RHD: variants seen among roughly 807,000 people sequenced by gnomAD.
RHD encodes Rh blood group D antigen.
In RHD, 16 loss-of-function variants were observed where a neutral mutation model predicts 45.5. The observed-to-expected ratio is 0.35, with a 90% CI of 0.24 to 0.53. The LOEUF (loss-of-function observed/expected upper bound fraction) is 0.53. Among genes scored for constraint, RHD ranks in the 20% least tolerant of loss-of-function variants. The pLI is 0.92. For synonymous variants in RHD, 131 were observed against 217.5 expected (o/e 0.60, Z 3.50); for missense variants, 306 against 532.0 (o/e 0.58, Z 4.18).
At chr1:25,296,492 G>A (rs1375336149) in intron 3 of RHD, among the ~76,000 whole-genome samples, 10 of 123,432 alleles carry the variant, frequency 8.1e-5, no homozygotes, top group African/African-American at 2.7e-4. Flanking sequence ...TGATCCACCT[G>A]TCTCAGCCTC....
At position 25,283,527 on chromosome 1, in the gene RHD, C is replaced by A. The variant is rs542300710; in HGVS notation, c.149-1046C>A. Among the ~76,000 whole-genome samples the A allele has an allele frequency of 1.2e-4, 15 of 127,960 alleles. 4 individuals carry two copies. The highest frequency in any genetic ancestry group is 2.4e-4 in the Non-Finnish European group (13 of 54,516). The allele number at this position is 127,960 out of a possible 152,430, so 83.9% of individuals were successfully genotyped here. On this transcript the variant is annotated intron_variant, in intron 1 of 9. Coordinates refer to ENST00000328664, the MANE Select transcript of RHD (RefSeq NM_016124.6). ...GCCTGGGTGACGAGTGAAACTCTAT[C>A]TCGATATTAAAAAAAAAAATCTTAG...
At chr1:25,303,072 C>A (rs1338372011) in intron 5 of RHD, among the ~76,000 whole-genome samples, 2 of 131,514 alleles carry the variant, frequency 1.5e-5, no homozygotes, top group Non-Finnish European at 3.6e-5. Flanking sequence ...CCTGGACTTC[C>A]CAGCTCATTC....
At chr1:25,284,272 G>T (rs1344731912) in intron 1 of RHD, among the ~76,000 whole-genome samples, 1 of 135,852 alleles carries the variant, frequency 7.4e-6, no homozygotes, top group Non-Finnish European at 1.8e-5. Flanking sequence ...CTTATTATTA[G>T]GTTTAATAAT....
Position 25,306,585 on chromosome 1 carries a change from C to T in RHD, c.940-11C>T, listed in dbSNP as rs1452572247. On this transcript the variant is annotated splice_polypyrimidine_tract_variant and intron_variant, in intron 6 of 9. Transcript: ENST00000328664. ...ACCTGCCAATCTGCTTATAATAACA[C>T]TTGTCCACAGGGGTGTTGTAACCGA... 7 of 1,377,430 alleles carry T rather than the reference C, an allele frequency of 5.1e-6. 2 individuals carry two copies. The South Asian group carries it at 8.3e-5, about 16-fold the overall frequency. 85.3% of individuals were successfully genotyped at this position (1,377,430 alleles called of 1,614,324 possible).
At chr1:25,304,847 A>C (rs1220379349) in intron 6 of RHD, 2 of 132,014 alleles carry the variant, frequency 1.5e-5, no homozygotes, top group Non-Finnish European at 3.6e-5. Flanking sequence ...GAAGGGCAGA[A>C]AAAAGAACAC....
intron 3 of RHD, among the ~76,000 whole-genome samples, chr1:25,292,302 G>A (rs887074952): frequency 1.5e-5 from 2 of 132,676 alleles, no homozygotes; most frequent in Non-Finnish European, 1.8e-5. Flanking sequence ...TATGTTTTAA[G>A]ATACTCTGGC....
chr1:25,315,108 A>C lies in RHD; in HGVS notation c.1074-1892A>C, dbSNP rs1248843041. Among the ~76,000 whole-genome samples the C allele has an allele frequency of 1.7e-4, 22 of 128,388 alleles. 4 individuals are homozygous for C. The highest frequency in any genetic ancestry group is 3.3e-4 in the Non-Finnish European group (18 of 54,446). The allele number at this position is 128,388 out of a possible 152,430, so 84.2% of individuals were successfully genotyped here. A position where few individuals can be genotyped will look rare whatever the true frequency, so the allele number is the denominator to read the frequency against. On this transcript the variant is annotated intron_variant, in intron 7 of 9. Transcript: ENST00000328664. ...AGTCTCAGCTACTCGGGAGGCTGAG[A>C]TCACGCCACTGCACTCCAGCCTGGT...
In RHD at chr1:25,308,232, G is replaced by A. The variant is rs1311987452; in HGVS notation, c.1073+1503G>A. 2.6e-5 allele frequency among the ~76,000 whole-genome samples: 3 copies of A among 114,042 alleles called. 1 individual carries two copies. The highest frequency in any genetic ancestry group is 4.1e-5 in the Non-Finnish European group (2 of 48,764). The allele number at this position is 114,042 out of a possible 152,430, so 74.8% of individuals were successfully genotyped here. ...CACTGTGTGGCTAAATTCTGCTTGT[G>A]GGCTGCCTAGATTCCCAATTCTGTG... On this transcript the variant is annotated intron_variant, in intron 7 of 9. Transcript: ENST00000328664.
chr1:25,276,243 G>T (rs1238788499), intron 1 of RHD, among the ~76,000 whole-genome samples: 7 of 129,780 alleles, frequency 5.4e-5, no homozygotes, highest in African/African-American at 1.8e-4. Flanking sequence ...ACATTGAAAT[G>T]GCATGATATC....
rs1643982904 is a variant in RHD at position 25,308,782 on chromosome 1, C to T, written c.1073+2053C>T. On this transcript the variant is annotated intron_variant, in intron 7 of 9. Transcript: ENST00000328664. ...CCAGGCAAAGGGAAGGGCATAGTGA[C>T]AGTGATGATCTCTCTTCCGGAAGTC... is the stretch of plus-strand genomic sequence containing the variant. Among the ~76,000 whole-genome samples, 3 of 129,358 alleles carry T rather than the reference C, an allele frequency of 2.3e-5. 1 individual carries two copies. Among genetic ancestry groups the T allele is most frequent in the Non-Finnish European group, 5.5e-5 (3 of 54,922 alleles). The allele number at this position is 129,358 out of a possible 152,430, so 84.9% of individuals were successfully genotyped here. A position where few individuals can be genotyped will look rare whatever the true frequency, so the allele number is the denominator to read the frequency against.
chr1:25,309,628 A>G (rs1379681331), intron 7 of RHD, among the ~76,000 whole-genome samples: 2 of 132,304 alleles, frequency 1.5e-5, no homozygotes, highest in African/African-American at 5.2e-5. Context: ...TTGTCCTCAA[A>G]TGCTGAAATC....
At chr1:25,315,846 T>C (rs1644413914) in intron 7 of RHD, among the ~76,000 whole-genome samples, 1 of 131,028 alleles carries the variant, frequency 7.6e-6, no homozygotes, top group African/African-American at 2.6e-5. Flanking sequence ...CTCTCCACTC[T>C]CCTATGATCT....
intron 2 of RHD, 146 bp downstream of exon 2, chr1:25,284,905 A>G: frequency 9.5e-7 from 1 of 1,054,546 alleles, no homozygotes; most frequent in East Asian, 2.5e-5. Flanking sequence ...CTAAAAGATT[A>G]TTCATTGTTT....
At position 25,299,516 on chromosome 1, in the gene RHD, C is replaced by T. The variant is rs1346335825; in HGVS notation, c.487-1430C>T. On this transcript the variant is annotated intron_variant, in intron 3 of 9. Coordinates refer to ENST00000328664, the MANE Select transcript of RHD (RefSeq NM_016124.6). Reference sequence around the variant, plus strand: ...GGTGGACTACTCCCTCCACCCTGCCCTTGTTACACCCTGGCTGGGGGTCAG... The same window carrying T: ...GGTGGACTACTCCCTCCACCCTGCCTTTGTTACACCCTGGCTGGGGGTCAG... 1.5e-5 allele frequency among the ~76,000 whole-genome samples: 2 copies of T among 131,854 alleles called. 1 individual carries two copies. Among genetic ancestry groups the T allele is most frequent in the Non-Finnish European group, 3.6e-5 (2 of 55,810 alleles). 86.5% of individuals were successfully genotyped at this position (131,854 alleles called of 152,430 possible).
At chr1:25,299,725 A>C (rs1643233340) in intron 3 of RHD, among the ~76,000 whole-genome samples, 1 of 132,584 alleles carries the variant, frequency 7.5e-6, no homozygotes, top group South Asian at 2.3e-4. Flanking sequence ...TTCTGAGCAG[A>C]GGAGTAACAT....
rs1282144807 is a variant in RHD at position 25,318,356 on chromosome 1, G to A, written c.1153+1277G>A. The A allele has an allele frequency of 3.8e-5, 5 of 131,846 alleles. 1 individual carries two copies. Among genetic ancestry groups the A allele is most frequent in the Admixed American group, 3.0e-4 (4 of 13,534 alleles). The allele number at this position is 131,846 out of a possible 1,614,324, so 8.2% of individuals were successfully genotyped here. The stretch of plus-strand genomic sequence containing the variant: ...TAATCCCAGCACTTTGGGAGGCTGA[G>A]ACAGGTAGATCACTTGAGGTCAGGA... On this transcript the variant is annotated intron_variant, in intron 8 of 9. Coordinates refer to ENST00000328664, the MANE Select transcript of RHD (RefSeq NM_016124.6).
rs1173309381 is a variant in RHD, at chr1:25,292,654, A to AG, written c.486+1870dup. 3.2e-5 allele frequency among the ~76,000 whole-genome samples: 4 copies of AG among 123,392 alleles called. 1 individual carries two copies. Among genetic ancestry groups the AG allele is most frequent in the Non-Finnish European group, 5.8e-5 (3 of 52,144 alleles). The allele number at this position is 123,392 out of a possible 152,430, so 80.9% of individuals were successfully genotyped here. A position where few individuals can be genotyped will look rare whatever the true frequency, so the allele number is the denominator to read the frequency against. On this transcript the variant is annotated intron_variant, in intron 3 of 9. Transcript: ENST00000328664. The stretch of plus-strand genomic sequence containing the variant: ...GTAGCGTTAGGGTTAAGGTTGGGGG[A>AG]GGGGGGGTAGAGATGTGTATGAAAC...
intron 7 of RHD, among the ~76,000 whole-genome samples, chr1:25,310,426 A>T (rs1459479333): frequency 1.5e-5 from 2 of 132,682 alleles, no homozygotes; most frequent in African/African-American, 2.6e-5. Flanking sequence ...CCCTCACCAG[A>T]TGGTGGCACC....
In RHD at chr1:25,329,491, C is replaced by T; in HGVS notation, c.*567C>T. On this transcript the variant is annotated 3_prime_UTR_variant, in exon 10 of 10. Transcript: ENST00000328664. ...CTCCTGACCTCAAGTGATCTGCCCG[C>T]CTCGGCCTCCCAAAGTGCTGGAACC... 1 of 205,996 alleles carries T rather than the reference C, an allele frequency of 4.9e-6. No homozygotes were observed. Among genetic ancestry groups the T allele is most frequent in the Non-Finnish European group, 1.1e-5 (1 of 94,952 alleles). 12.8% of individuals were successfully genotyped at this position (205,996 alleles called of 1,614,324 possible). A position where few individuals can be genotyped will look rare whatever the true frequency, so the allele number is the denominator to read the frequency against.
Sources: gnomAD v4.1 joint callset for allele counts (sites outside exome capture counted in the v4.1 genomes callset) on GRCh38, gnomAD v4.1.1 for gene constraint, MANE v1.5 for transcripts, NCBI Gene and HGNC (gene_info 2026-07-23, HGNC 2026-07-21) for gene names.